The following GBE1 variants were observed in gnomAD, a reference collection of about 807,000 sequenced individuals.
GBE1 encodes the protein 1,4-alpha-glucan branching enzyme 1.
A neutral mutation model predicts 88.8 loss-of-function variants in GBE1; 70 were observed. The ratio of observed to expected loss-of-function variants is 0.79; its 90% CI spans 0.65 to 0.96. The LOEUF (loss-of-function observed/expected upper bound fraction) is 0.96, where lower values mean the gene tolerates loss of function less well. Ranked by LOEUF, GBE1 falls within the 40% of genes least tolerant of loss-of-function variation. The pLI, the probability that GBE1 is intolerant of heterozygous loss-of-function variation, is 0.00. For synonymous variants in GBE1, 284 were observed against 300.1 expected, an observed-to-expected ratio of 0.95 and a Z score of 0.56; for missense variants, 872 against 871.0, an observed-to-expected ratio of 1.00 and a Z score of -0.01.
At chr3:81,600,767 G>A (rs901042717) in intron 7 of GBE1, among the ~76,000 whole-genome samples, 2 of 152,102 alleles carry the variant, frequency 1.3e-5, no homozygotes, top group Non-Finnish European at 2.9e-5. Flanking sequence ...TTTTAAAGAT[G>A]CAACAATGTA....
At chr3:81,703,764 G>A (rs890536363) in intron 2 of GBE1, among the ~76,000 whole-genome samples, 2 of 151,956 alleles carry the variant, frequency 1.3e-5, no homozygotes, top group African/African-American at 2.4e-5. Context: ...GGTTGCATCT[G>A]TACTGAACAC....
At chr3:81,615,325 T>C (rs560538567) in intron 7 of GBE1, among the ~76,000 whole-genome samples, 228 of 152,260 alleles carry the variant, frequency 1.5e-3, no homozygotes, top group African/African-American at 5.3e-3. Context: ...TGGAAAACTG[T>C]GGTACAATAT....
chr3:81,545,237 T>A (rs931487762), intron 12 of GBE1, among the ~76,000 whole-genome samples: 14 of 149,050 alleles, frequency 9.4e-5, no homozygotes, highest in East Asian at 2.0e-4. Context: ...AAAAAAAAAA[T>A]AAACTTGTAA....
At chr3:81,732,311 G>GC (rs1293355413) in intron 1 of GBE1, among the ~76,000 whole-genome samples, 7 of 152,172 alleles carry the variant, frequency 4.6e-5, no homozygotes, top group Middle Eastern at 3.4e-3. Context: ...AACATATGCA[G>GC]CAAGTCCACA....
intron 12 of GBE1, among the ~76,000 whole-genome samples, chr3:81,540,857 C>A (rs751948044): frequency 7.9e-5 from 12 of 151,988 alleles, no homozygotes; most frequent in Admixed American, 2.0e-4. Flanking sequence ...TACATGTTCA[C>A]CTTGCAAAGC....
At chr3:81,507,270 A>T (rs1702666842) in intron 14 of GBE1, among the ~76,000 whole-genome samples, 1 of 152,086 alleles carries the variant, frequency 6.6e-6, no homozygotes, top group Non-Finnish European at 1.5e-5. Context: ...ATGTGGAATT[A>T]AACAGAGAAC....
At chr3:81,737,949 G>A (rs1390268423) in intron 1 of GBE1, among the ~76,000 whole-genome samples, 1 of 151,206 alleles carries the variant, frequency 6.6e-6, no homozygotes, top group Admixed American at 6.6e-5. Context: ...TCCCCCTCCT[G>A]TGTCCATGTG....
Position 81,639,242 on chromosome 3 carries a change from T to C in GBE1, c.992+3539A>G, listed in dbSNP as rs540881141. On this transcript the variant is annotated intron_variant, in intron 7 of 15. Coordinates refer to ENST00000429644, the MANE Select transcript of GBE1 (RefSeq NM_000158.4). ...ATTCACATATAGCTAAATACAAGTA[T>C]GTTGTTCACATTTTTCAAATATAGT... 2.2e-3 allele frequency among the ~76,000 whole-genome samples: 334 copies of C among 152,274 alleles called. 1 individual carries two copies. The highest frequency in any genetic ancestry group is 2.9e-3 in the Non-Finnish European group (196 of 68,008).
chr3:81,578,606 G>A (rs969862377), intron 11 of GBE1, among the ~76,000 whole-genome samples: 3 of 151,616 alleles, frequency 2.0e-5, no homozygotes, highest in African/African-American at 7.3e-5. Context: ...GAGAAAATAA[G>A]TTGAGAACAT....
chr3:81,513,594 A>G (rs113840830), intron 14 of GBE1, among the ~76,000 whole-genome samples: 2,950 of 151,704 alleles, frequency 0.019, 101 homozygotes, highest in African/African-American at 0.066. Flanking sequence ...AACAAAAAGT[A>G]GGACAATAGA....
At position 81,649,110 on chromosome 3, in the gene GBE1, A is replaced by G. The variant is rs150691839; in HGVS notation, c.556-119T>C. On this transcript the variant is annotated intron_variant, in intron 4 of 15. Coordinates refer to ENST00000429644, the MANE Select transcript of GBE1 (RefSeq NM_000158.4). ...CAAACACTTGGAACTATTCTCACATATAAAAGGCACCAGCTACACTCACTA... is the reference window on the plus strand; with the variant it reads ...CAAACACTTGGAACTATTCTCACATGTAAAAGGCACCAGCTACACTCACTA... 74 of 668,712 alleles carry G rather than the reference A, an allele frequency of 1.1e-4. No homozygotes were observed. In the African/African-American group the frequency reaches 1.1e-3, roughly 10 times the overall value. The allele number at this position is 668,712 out of a possible 1,614,324, so 41.4% of individuals were successfully genotyped here. A position where few individuals can be genotyped will look rare whatever the true frequency, so the allele number is the denominator to read the frequency against.
At chr3:81,673,105 C>T (rs1233148587) in intron 2 of GBE1, among the ~76,000 whole-genome samples, 1 of 151,842 alleles carries the variant, frequency 6.6e-6, no homozygotes, top group East Asian at 1.9e-4. Context: ...CTCACCTATA[C>T]ATGCTGTGAC....
intron 1 of GBE1, among the ~76,000 whole-genome samples, chr3:81,737,404 T>TA (rs1575771893): frequency 2.2e-4 from 7 of 32,000 alleles, no homozygotes; most frequent in East Asian, 3.4e-3. Context: ...TAAATATATT[T>TA]TTATATATTT....
At chr3:81,532,208 G>T (rs188442151) in intron 14 of GBE1, among the ~76,000 whole-genome samples, 1 of 151,880 alleles carries the variant, frequency 6.6e-6, no homozygotes, top group Admixed American at 6.6e-5. Context: ...CTGATTTTTG[G>T]TTCTTATGAA....
intron 3 of GBE1, among the ~76,000 whole-genome samples, chr3:81,660,651 G>A (rs886286238): frequency 7.2e-5 from 11 of 152,108 alleles, no homozygotes; most frequent in South Asian, 2.1e-4. Flanking sequence ...CACTAGTCAC[G>A]TGGGGAAATG....
At chr3:81,507,789 G>C (rs1320550548) in intron 14 of GBE1, among the ~76,000 whole-genome samples, 1 of 152,016 alleles carries the variant, frequency 6.6e-6, no homozygotes, top group Non-Finnish European at 1.5e-5. Flanking sequence ...ATTCAAATGT[G>C]TGAACACTGT....
chr3:81,555,302 C>T (rs185170844), intron 12 of GBE1, among the ~76,000 whole-genome samples: 27 of 152,134 alleles, frequency 1.8e-4, no homozygotes, highest in African/African-American at 5.5e-4. Context: ...AAGATAATGG[C>T]GCTTAAACAC....
chr3:81,498,559 A>C lies in GBE1; in HGVS notation c.2052+551T>G, dbSNP rs569855581. Among the ~76,000 whole-genome samples the C allele has an allele frequency of 3.9e-5, 6 of 152,292 alleles. No individual in the cohort carries two copies. In the South Asian group the frequency reaches 1.0e-3, roughly 26 times the overall value. On this transcript the variant is annotated intron_variant, in intron 15 of 15. Coordinates refer to ENST00000429644, the MANE Select transcript of GBE1 (RefSeq NM_000158.4). ...TATTTGTGTGAACACCACAATGCAA[A>C]AATTAGTTATGTCATATAATGCTTC...
chr3:81,505,099 A>C (rs1276275978), intron 14 of GBE1, among the ~76,000 whole-genome samples: 1 of 152,240 alleles, frequency 6.6e-6, no homozygotes, highest in Non-Finnish European at 1.5e-5. Flanking sequence ...TATCACTACC[A>C]CATCAATATT....
Sources: allele counts gnomAD v4.1 joint callset (sites outside exome capture counted in the v4.1 genomes callset), GRCh38; gene constraint gnomAD v4.1.1; transcripts MANE v1.5; gene names NCBI Gene and HGNC (gene_info 2026-07-23, HGNC 2026-07-21).